The following PAG1 variants were observed in gnomAD, a reference collection of about 807,000 sequenced individuals.
PAG1 encodes the protein phosphoprotein associated with glycosphingolipid-enriched microdomains 1.
PAG1 carries 23 observed loss-of-function variants against 31.7 expected under a neutral mutation model. The ratio of observed to expected loss-of-function variants is 0.73; its 90% confidence interval spans 0.52 to 1.03. PAG1 has a LOEUF of 1.03. PAG1 is among the 50% of genes least tolerant of loss of function. The pLI is 0.00. For missense variants in PAG1, 473 were observed against 540.7 expected (o/e 0.87, Z 1.24); for synonymous variants, 214 against 210.3 (o/e 1.02, Z -0.15).
chr8:81,014,407 T>C (rs955334570), intron 3 of PAG1, among the ~76,000 whole-genome samples: 1 of 152,256 alleles, frequency 6.6e-6, no homozygotes, highest in South Asian at 2.1e-4. Context: ...CTATTTACTC[T>C]GTAGCAAAGG....
chr8:81,053,328 A>G lies in PAG1; in HGVS notation c.-175+16784T>C, dbSNP rs150360352. Among the ~76,000 whole-genome samples the G allele has an allele frequency of 8.3e-3, 1,262 of 152,338 alleles. 24 individuals are homozygous for G. Among genetic ancestry groups the G allele is most frequent in the Admixed American group, 0.044 (679 of 15,306 alleles). On this transcript the variant is annotated intron_variant, in intron 2 of 8. Transcript: ENST00000220597. ...CATAAACCTGTGTTCTTTTCCATAT[A>G]TTTGAGTAATGGCTACACATTTTAC...
At chr8:81,039,891 T>C (rs796339169) in intron 2 of PAG1, among the ~76,000 whole-genome samples, 8 of 152,264 alleles carry the variant, frequency 5.3e-5, no homozygotes, top group African/African-American at 1.9e-4. Context: ...GCTTGAGAGA[T>C]GAATGACCAA....
chr8:81,004,775 C>T (rs966128800), intron 3 of PAG1, among the ~76,000 whole-genome samples: 6 of 152,146 alleles, frequency 3.9e-5, no homozygotes, highest in African/African-American at 1.4e-4. Context: ...AGCTGCAATG[C>T]CCTTGGACTG....
At chr8:81,065,072 A>G (rs926814356) in intron 2 of PAG1, among the ~76,000 whole-genome samples, 8 of 152,172 alleles carry the variant, frequency 5.3e-5, no homozygotes, top group African/African-American at 1.9e-4. Flanking sequence ...CAGACCTGGC[A>G]GAGCACCAGC....
chr8:81,104,241 C>A (rs1372177775), intron 1 of PAG1, among the ~76,000 whole-genome samples: 1 of 152,178 alleles, frequency 6.6e-6, no homozygotes, highest in Non-Finnish European at 1.5e-5. Context: ...TTTCTTTTGT[C>A]ACTCAGTTCC....
chr8:81,068,328 T>C (rs1045974429), intron 2 of PAG1, among the ~76,000 whole-genome samples: 5 of 152,204 alleles, frequency 3.3e-5, no homozygotes, highest in African/African-American at 1.2e-4. Context: ...AATTAAAACA[T>C]CATAAAGTCG....
intron 2 of PAG1, among the ~76,000 whole-genome samples, chr8:81,060,835 T>A (rs1006564730): frequency 6.6e-6 from 1 of 152,192 alleles, no homozygotes; most frequent in African/African-American, 2.4e-5. Context: ...TCAAAAGCTG[T>A]TTTTTGTTTT....
In PAG1 at chr8:80,976,782, G is replaced by A. The variant is rs558347315; in HGVS notation, c.1061C>T (p.Ser354Phe). Residue 354 changes from serine to phenylalanine, a missense_variant, in exon 9 of 9, where the codon TCC (serine) becomes TTC (phenylalanine). Physicochemically the swap from Ser to Phe is radical, Grantham distance 155 (BLOSUM62 -2). Transcript: ENST00000220597. ...IQGDPQRSPS[S>F]CNDLYATVKD... ...AACAGTAGCATAGAGATCATTACAG[G>A]AGGAGGGTGACCTCTGTGGGTCCCC... The A allele has an allele frequency of 1.2e-6, 2 of 1,614,178 alleles. No homozygotes were observed. The highest frequency in any genetic ancestry group is 2.7e-5 in the African/African-American group (2 of 75,048).
rs768949191 is a variant in PAG1, at chr8:80,976,214, G to C, written c.*330C>G. 2.5e-5 allele frequency: 6 copies of C among 238,792 alleles called. No homozygotes were observed. The highest frequency in any genetic ancestry group is 4.8e-5 in the Non-Finnish European group (6 of 124,856). 14.8% of individuals were successfully genotyped at this position (238,792 alleles called of 1,614,324 possible). A position where few individuals can be genotyped will look rare whatever the true frequency, so the allele number is the denominator to read the frequency against. ...GGGGGCATTGTGGTCCTTGGTGAGT[G>C]CAGCTTTTCCATACAGCTTGGCTTT... is the stretch of plus-strand genomic sequence containing the variant. On this transcript the variant is annotated 3_prime_UTR_variant, in exon 9 of 9. Coordinates refer to ENST00000220597, the MANE Select transcript of PAG1 (RefSeq NM_018440.4).
chr8:81,097,575 AC>A (rs1269819791), intron 1 of PAG1, among the ~76,000 whole-genome samples: 1 of 152,112 alleles, frequency 6.6e-6, no homozygotes, highest in African/African-American at 2.4e-5. Flanking sequence ...ACACCAAGAC[AC>A]CTATGAAAGA....
At chr8:81,062,844 C>A (rs1216265381) in intron 2 of PAG1, among the ~76,000 whole-genome samples, 1 of 152,164 alleles carries the variant, frequency 6.6e-6, no homozygotes, top group Non-Finnish European at 1.5e-5. Context: ...TATCAGGAAT[C>A]TTCAGAAGCA....
chr8:80,993,806 A>G (rs1321727420), intron 3 of PAG1, among the ~76,000 whole-genome samples: 3 of 151,712 alleles, frequency 2.0e-5, no homozygotes, highest in Non-Finnish European at 2.9e-5. Flanking sequence ...AAGTCTCACC[A>G]TATTGCCTAC....
intron 3 of PAG1, among the ~76,000 whole-genome samples, chr8:81,014,903 G>A (rs928324527): frequency 1.3e-5 from 2 of 152,194 alleles, no homozygotes; most frequent in African/African-American, 4.8e-5. Flanking sequence ...TTTGGAGGTG[G>A]TGGGTTGGGT....
intron 1 of PAG1, among the ~76,000 whole-genome samples, chr8:81,094,377 T>A (rs1297594350): frequency 6.6e-6 from 1 of 152,194 alleles, no homozygotes; most frequent in Non-Finnish European, 1.5e-5. Context: ...ATCAGTGTGC[T>A]TTTCACTCAG....
rs184450301 is a variant in PAG1 at position 81,089,917 on chromosome 8, T to G, written c.-233-19747A>C. On this transcript the variant is annotated intron_variant, in intron 1 of 8. Coordinates refer to ENST00000220597, the MANE Select transcript of PAG1 (RefSeq NM_018440.4). ...TTGAAATTGCATTAAAATTATAGAT[T>G]AATTTAAAAAATCAAAGATGATCCT... is the stretch of plus-strand genomic sequence containing the variant. Among the ~76,000 whole-genome samples, 7 of 152,276 alleles carry G rather than the reference T, an allele frequency of 4.6e-5. No homozygotes were observed. In the East Asian group the frequency reaches 1.3e-3, roughly 29 times the overall value.
chr8:81,057,367 A>G (rs1003130056), intron 2 of PAG1, among the ~76,000 whole-genome samples: 4 of 152,206 alleles, frequency 2.6e-5, no homozygotes, highest in African/African-American at 9.7e-5. Flanking sequence ...TGGCACATAT[A>G]CACCACGGAA....
chr8:80,984,764 G>A lies in PAG1; in HGVS notation c.876+12C>T, dbSNP rs376750323. 55 of 1,608,960 alleles carry A rather than the reference G, an allele frequency of 3.4e-5. No homozygotes were observed. Among genetic ancestry groups the A allele is most frequent in the African/African-American group, 3.2e-4 (24 of 74,558 alleles). ...GAACCCACAAAGACAAAACAAAAAC[G>A]CCAGTGCCCACCTTGTTAGTTTCAC... On this transcript the variant is annotated intron_variant, in intron 7 of 8. Transcript: ENST00000220597.
chr8:81,017,971 C>A (rs559057963), intron 3 of PAG1, among the ~76,000 whole-genome samples: 2 of 152,286 alleles, frequency 1.3e-5, no homozygotes, highest in South Asian at 2.1e-4. Flanking sequence ...CCTAAATAAA[C>A]CCTTTTTATA....
intron 1 of PAG1, among the ~76,000 whole-genome samples, chr8:81,089,350 C>T (rs1264261915): frequency 2.6e-5 from 4 of 152,060 alleles, no homozygotes; most frequent in East Asian, 1.9e-4. Context: ...GGGAGGATCA[C>T]GAGGTCAGGA....
Sources: allele counts gnomAD v4.1 joint callset (sites outside exome capture counted in the v4.1 genomes callset), GRCh38; gene constraint gnomAD v4.1.1; transcripts MANE v1.5; gene names NCBI Gene and HGNC (gene_info 2026-07-23, HGNC 2026-07-21).